The following N4BP2L2 variants were observed in gnomAD, a reference collection of about 807,000 sequenced individuals.
N4BP2L2 encodes the protein NEDD4 binding protein 2 like 2.
N4BP2L2 carries 50 observed loss-of-function variants against 56.2 expected under a neutral mutation model. That is an observed-to-expected ratio of 0.89 (90% CI 0.71 to 1.13). The LOEUF (loss-of-function observed/expected upper bound fraction) is 1.13. Ranked by LOEUF, N4BP2L2 falls within the 50% of genes most tolerant of loss-of-function variation. The pLI is 0.00. For missense variants in N4BP2L2, 689 were observed against 693.8 expected (o/e 0.99, Z 0.08); for synonymous variants, 203 against 223.6 (o/e 0.91, Z 0.82).
exon 7 of N4BP2L2, chr13:32,442,976 T>G: frequency 6.2e-7 from 1 of 1,613,860 alleles, no homozygotes; most frequent in Non-Finnish European, 8.5e-7. Context: ...AGTCCATGGT[T>G]TTTTGTTAAC....
chr13:32,490,981 T>C (rs1455176450), intron 6 of N4BP2L2, among the ~76,000 whole-genome samples: 1 of 145,504 alleles, frequency 6.9e-6, no homozygotes, highest in Non-Finnish European at 1.5e-5. Flanking sequence ...TAAATCCTCA[T>C]TTTTCACCCA....
At chr13:32,449,412 C>A (rs2077528983) in intron 6 of N4BP2L2, among the ~76,000 whole-genome samples, 1 of 152,248 alleles carries the variant, frequency 6.6e-6, no homozygotes, top group South Asian at 2.1e-4. Context: ...CAATTTATAT[C>A]AACAGAAACT....
intron 6 of N4BP2L2, among the ~76,000 whole-genome samples, chr13:32,454,679 T>C (rs2078664636): frequency 6.6e-6 from 1 of 152,068 alleles, no homozygotes. Context: ...CACCAAATAA[T>C]TAATATCAAT....
chr13:32,519,834 T>G (rs919201379), intron 5 of N4BP2L2, among the ~76,000 whole-genome samples: 13 of 152,200 alleles, frequency 8.5e-5, no homozygotes, highest in Admixed American at 7.9e-4. Context: ...ACTGGCTTTG[T>G]TATATAAAGG....
rs1013934832 is a variant in N4BP2L2, at chr13:32,478,189, C to T, written c.366-34063G>A. Reference sequence around the variant, plus strand: ...CTTGGGCAGGTAAAACATCTATTTTCTAATAAAACAGGAATATTATGACAT... The same window carrying T: ...CTTGGGCAGGTAAAACATCTATTTTTTAATAAAACAGGAATATTATGACAT... On this transcript the variant is annotated intron_variant, in intron 6 of 9. Transcript: ENST00000357505. 3.1e-5 allele frequency: 17 copies of T among 543,462 alleles called. No individual in the cohort carries two copies. The African/African-American group carries it at 3.4e-4, about 11-fold the overall frequency. 33.7% of individuals were successfully genotyped at this position (543,462 alleles called of 1,614,324 possible).
chr13:32,497,433 C>A (rs1475874629), intron 6 of N4BP2L2, among the ~76,000 whole-genome samples: 1 of 152,186 alleles, frequency 6.6e-6, no homozygotes, highest in Non-Finnish European at 1.5e-5. Context: ...CTGAAATGAT[C>A]CAGCTGATTC....
intron 6 of N4BP2L2, among the ~76,000 whole-genome samples, chr13:32,451,364 A>T (rs1217099017): frequency 1.3e-5 from 2 of 152,018 alleles, no homozygotes; most frequent in African/African-American, 4.8e-5. Context: ...GAGATTAAGG[A>T]AGAAAAAAAA....
chr13:32,474,222 G>A (rs1468279728), intron 6 of N4BP2L2, among the ~76,000 whole-genome samples: 3 of 151,838 alleles, frequency 2.0e-5, no homozygotes, highest in Non-Finnish European at 4.4e-5. Context: ...AAGCAAATAT[G>A]GCAAAATGTT....
intron 6 of N4BP2L2, among the ~76,000 whole-genome samples, chr13:32,483,122 T>C (rs2085123482): frequency 6.6e-6 from 1 of 152,222 alleles, no homozygotes. Flanking sequence ...CTAATGTTTA[T>C]TAGTCAAACG....
chr13:32,501,475 A>G (rs563716471), intron 6 of N4BP2L2, among the ~76,000 whole-genome samples: 1 of 152,206 alleles, frequency 6.6e-6, no homozygotes, highest in Admixed American at 6.5e-5. Context: ...GGGCTGCCCA[A>G]TACACTGCTG....
Position 32,467,030 on chromosome 13 carries a change from T to C in N4BP2L2, c.366-22904A>G, listed in dbSNP as rs533954895. 5.3e-5 allele frequency among the ~76,000 whole-genome samples: 8 copies of C among 152,298 alleles called. No homozygotes were observed. In the East Asian group the frequency reaches 1.5e-3, roughly 29 times the overall value. ...TAATCTCTATCAATATCCTTGTAGATAAAATAACACAAACTTGATGTAGTA... is the reference window on the plus strand; with the variant it reads ...TAATCTCTATCAATATCCTTGTAGACAAAATAACACAAACTTGATGTAGTA... On this transcript the variant is annotated intron_variant, in intron 6 of 9. Transcript: ENST00000357505.
intron 6 of N4BP2L2, among the ~76,000 whole-genome samples, chr13:32,448,536 C>A (rs938698923): frequency 6.6e-6 from 1 of 152,090 alleles, no homozygotes; most frequent in African/African-American, 2.4e-5. Context: ...GGCTTAGAAT[C>A]CAAGCTCCTA....
At chr13:32,496,036 C>T (rs949069942) in intron 6 of N4BP2L2, among the ~76,000 whole-genome samples, 2 of 152,078 alleles carry the variant, frequency 1.3e-5, no homozygotes, top group Non-Finnish European at 2.9e-5. Context: ...CCCAGAGTTG[C>T]CTTCATGTGG....
intron 6 of N4BP2L2, among the ~76,000 whole-genome samples, chr13:32,449,784 T>G (rs765823664): frequency 1.3e-5 from 2 of 152,170 alleles, no homozygotes; most frequent in Non-Finnish European, 2.9e-5. Context: ...ACGATGCAAT[T>G]CAAGAGTAGA....
At chr13:32,462,634 T>C (rs543617544) in intron 6 of N4BP2L2, among the ~76,000 whole-genome samples, 10 of 152,154 alleles carry the variant, frequency 6.6e-5, no homozygotes, top group African/African-American at 1.9e-4. Context: ...TCCCAACACA[T>C]ATAAATAAAT....
chr13:32,535,568 C>A (rs1043074305), intron 2 of N4BP2L2, among the ~76,000 whole-genome samples: 1 of 152,164 alleles, frequency 6.6e-6, no homozygotes, highest in African/African-American at 2.4e-5. Context: ...ATAGTTCTAA[C>A]ATTTTTATTT....
intron 6 of N4BP2L2, among the ~76,000 whole-genome samples, chr13:32,503,533 CT>C (rs1226256712): frequency 7.2e-5 from 11 of 152,166 alleles, no homozygotes; most frequent in Admixed American, 3.3e-4. Flanking sequence ...ACTTTATTTA[CT>C]TTTATATTTC....
At chr13:32,432,748 A>C (rs539172554) in exon 10 of N4BP2L2, 24 of 152,334 alleles carry the variant, frequency 1.6e-4, no homozygotes, top group African/African-American at 5.8e-4. Context: ...AAAGTATGGC[A>C]TACATCTTCA....
Position 32,451,096 on chromosome 13 carries a change from C to T in N4BP2L2, c.366-6970G>A, listed in dbSNP as rs567026077. Among the ~76,000 whole-genome samples the T allele has an allele frequency of 3.3e-5, 5 of 152,142 alleles. No homozygotes were observed. In the South Asian group the frequency reaches 1.0e-3, roughly 32 times the overall value. On this transcript the variant is annotated intron_variant, in intron 6 of 9. Transcript: ENST00000357505. Reference sequence around the variant, plus strand: ...ACACAAAATTAATGAGTCAACCACACAACTGGAGAAGTTACAGAAAAAAAG... The same window carrying T: ...ACACAAAATTAATGAGTCAACCACATAACTGGAGAAGTTACAGAAAAAAAG...
Sources: gnomAD v4.1 joint callset for allele counts (sites outside exome capture counted in the v4.1 genomes callset) on GRCh38, gnomAD v4.1.1 for gene constraint, MANE v1.5 for transcripts, NCBI Gene and HGNC (gene_info 2026-07-23, HGNC 2026-07-21) for gene names.